Variants in SLC22A23 observed in about 807,000 individuals in gnomAD.
The protein encoded by SLC22A23 is ion transporter protein.
SLC22A23 carries 26 observed loss-of-function variants against 61.0 expected under a neutral mutation model. The observed-to-expected ratio is 0.43, with a 90% CI of 0.31 to 0.59. The LOEUF is 0.59. Ranked by LOEUF, SLC22A23 falls within the 20% of genes least tolerant of loss-of-function variation. The probability of loss-of-function intolerance (pLI) is 0.11; values close to 1 mark genes in which losing one functional copy is unlikely to be tolerated. For missense variants in SLC22A23, 796 were observed against 934.7 expected, an observed-to-expected ratio of 0.85 and a Z score of 1.94; for synonymous variants, 430 against 413.9, an observed-to-expected ratio of 1.04 and a Z score of -0.47.
intron 4 of SLC22A23, among the ~76,000 whole-genome samples, chr6:3,298,926 T>C (rs1299140632): frequency 1.4e-5 from 2 of 143,702 alleles, no homozygotes; most frequent in African/African-American, 5.4e-5. Context: ...GAGCCGAGAT[T>C]GCGCCACTGC....
At chr6:3,295,077 G>A (rs572033125) in intron 5 of SLC22A23, among the ~76,000 whole-genome samples, 15,797 of 152,238 alleles carry the variant, frequency 0.1, 1,095 homozygotes, top group East Asian at 0.34. Flanking sequence ...GCTACGCGTC[G>A]CGTCAGGCCT....
intron 2 of SLC22A23, among the ~76,000 whole-genome samples, chr6:3,411,888 A>G (rs1769278546): frequency 6.6e-6 from 1 of 152,226 alleles, no homozygotes; most frequent in Non-Finnish European, 1.5e-5. Flanking sequence ...AAGACTGTGT[A>G]GCTGATTTTG....
intron 1 of SLC22A23, among the ~76,000 whole-genome samples, chr6:3,418,626 T>C (rs1279506285): frequency 6.6e-6 from 1 of 152,226 alleles, no homozygotes; most frequent in East Asian, 1.9e-4. Flanking sequence ...GTTCCCAGCC[T>C]CTGGGCTTCC....
rs1403753227 is a variant in SLC22A23, at chr6:3,323,787, GC to G, written c.1082+46del. ...CTGCCCGGGGCCGGGCCTTCAGGAA[GC>G]ATGTGCAGTCGCACCAGCCCAGGGC... On this transcript the variant is annotated intron_variant, in intron 4 of 9. Coordinates refer to ENST00000406686, the MANE Select transcript of SLC22A23 (RefSeq NM_015482.2). 1.8e-5 allele frequency: 28 copies of G among 1,568,974 alleles called. No homozygotes were observed. The African/African-American group carries it at 3.0e-4, about 17-fold the overall frequency.
At chr6:3,323,324 T>C in intron 4 of SLC22A23, 1 of 456,596 alleles carries the variant, frequency 2.2e-6, no homozygotes, top group Non-Finnish European at 4.4e-6. Flanking sequence ...AATACCTATG[T>C]AAACACACGA....
chr6:3,452,614 A>T (rs1581911705), intron 1 of SLC22A23, among the ~76,000 whole-genome samples: 5 of 33,458 alleles, frequency 1.5e-4, no homozygotes, highest in Non-Finnish European at 2.7e-4. Context: ...AAAAAAAAAA[A>T]AAAAAAAAAA....
In SLC22A23 at chr6:3,272,986, C is replaced by T. The variant is rs1368508153; in HGVS notation, c.*69G>A. On this transcript the variant is annotated 3_prime_UTR_variant, in exon 10 of 10. Coordinates refer to ENST00000406686, the MANE Select transcript of SLC22A23 (RefSeq NM_015482.2). ...GCTTTCCCACCCCTGGCTGCGTGTT[C>T]GGTCCCTGGTCTGTAAACCTGTGCC... 1.5e-5 allele frequency: 21 copies of T among 1,379,214 alleles called. No individual in the cohort carries two copies. The highest frequency in any genetic ancestry group is 5.8e-5 in the African/African-American group (4 of 68,754). 85.4% of individuals were successfully genotyped at this position (1,379,214 alleles called of 1,614,324 possible). A position where few individuals can be genotyped will look rare whatever the true frequency, so the allele number is the denominator to read the frequency against.
chr6:3,275,065 CCAGTTTCAAAACTATA>C (rs2127284564), intron 9 of SLC22A23, among the ~76,000 whole-genome samples: 1 of 152,180 alleles, frequency 6.6e-6, no homozygotes, highest in East Asian at 1.9e-4. Flanking sequence ...GCTTGCCTTC[CCAGTTTCAAAACTATA>C]AAGCCATACG....
chr6:3,326,459 T>C (rs1763288055), intron 3 of SLC22A23, among the ~76,000 whole-genome samples: 1 of 151,998 alleles, frequency 6.6e-6, no homozygotes, highest in Admixed American at 6.6e-5. Flanking sequence ...AGACAACTCC[T>C]TGAGAAGCAC....
At chr6:3,428,343 G>C (rs994666328) in intron 1 of SLC22A23, among the ~76,000 whole-genome samples, 5 of 152,160 alleles carry the variant, frequency 3.3e-5, no homozygotes, top group Non-Finnish European at 5.9e-5. Flanking sequence ...GCTCCTGAGG[G>C]GACATCCTTC....
rs1032287191 is a variant in SLC22A23 at position 3,332,125 on chromosome 6, C to T, written c.914-8123G>A. Among the ~76,000 whole-genome samples, 13 of 152,312 alleles carry T rather than the reference C, an allele frequency of 8.5e-5. No homozygotes were observed. In the East Asian group the frequency reaches 2.1e-3, roughly 25 times the overall value. The stretch of plus-strand genomic sequence containing the variant: ...CCTCCGAGGCATGTGGCCAAACAGC[C>T]GAGCCCTAAATTACTTCAAGCTCTG... On this transcript the variant is annotated intron_variant, in intron 3 of 9. Coordinates refer to ENST00000406686, the MANE Select transcript of SLC22A23 (RefSeq NM_015482.2).
Position 3,342,020 on chromosome 6 carries a change from A to AAATCTTTCTTCTTAATGAAAGAT in SLC22A23, c.914-18041_914-18019dup, listed in dbSNP as rs1422140139. Among the ~76,000 whole-genome samples the AAATCTTTCTTCTTAATGAAAGAT allele has an allele frequency of 2.2e-4, 33 of 152,154 alleles. No homozygotes were observed. The highest frequency in any genetic ancestry group is 8.8e-5 in the Non-Finnish European group (6 of 68,018). ...CATCTGTTCAGTAGCATTAAGAAGA[A>AAATCTTTCTTCTTAATGAAAGAT]AATCTTTCTTCTTAATGAAAGATTA... On this transcript the variant is annotated intron_variant, in intron 3 of 9. Coordinates refer to ENST00000406686, the MANE Select transcript of SLC22A23 (RefSeq NM_015482.2). The surrounding 1 kb of genome is among the most constrained non-coding windows in gnomAD (Gnocchi z 4.0).
chr6:3,298,533 T>TG (rs1185391700), intron 4 of SLC22A23, among the ~76,000 whole-genome samples: 3 of 150,250 alleles, frequency 2.0e-5, no homozygotes. Flanking sequence ...CTGGGAAGGG[T>TG]GGGGGGAAAC....
intron 3 of SLC22A23, among the ~76,000 whole-genome samples, chr6:3,343,460 TACACACACACACGCAC>T (rs1764259413): frequency 1.3e-5 from 2 of 151,682 alleles, no homozygotes; most frequent in Admixed American, 6.6e-5. Context: ...CCCCTGCAAA[TACACACACACACGCAC>T]ACACACACAC....
chr6:3,324,565 G>A lies in SLC22A23; in HGVS notation c.914-563C>T, dbSNP rs1377923938. ...CAACCTACTCACACTGTGAGACAGA[G>A]GGAGACTGAGCTAAGTCTCAGCTTA... On this transcript the variant is annotated intron_variant, in intron 3 of 9. Transcript: ENST00000406686. The surrounding 1 kb of genome is among the most constrained non-coding windows in gnomAD (Gnocchi z 4.3). Among the ~76,000 whole-genome samples the A allele has an allele frequency of 1.3e-5, 2 of 152,292 alleles. No homozygotes were observed. The highest frequency in any genetic ancestry group is 3.9e-4 in the East Asian group (2 of 5,184).
chr6:3,438,772 A>G (rs555325796), intron 1 of SLC22A23, among the ~76,000 whole-genome samples: 4 of 152,186 alleles, frequency 2.6e-5, no homozygotes, highest in Non-Finnish European at 5.9e-5. Context: ...TTTCCCAAAC[A>G]TGCTTTCCTA....
chr6:3,410,373 C>A lies in SLC22A23; in HGVS notation c.759-31G>T. ...TATGGAGAGGGAAAAAGTTAGGAAT[C>A]ATTGTGAAACAAGACAATGACGCTA... On this transcript the variant is annotated intron_variant, in intron 2 of 9. Transcript: ENST00000406686. This position sits in a 1 kb window ranked among gnomAD's most constrained non-coding sequence, Gnocchi z 5.0. The A allele has an allele frequency of 6.5e-7, 1 of 1,546,456 alleles. No individual in the cohort carries two copies. Among genetic ancestry groups the A allele is most frequent in the Non-Finnish European group, 8.7e-7 (1 of 1,145,838 alleles).
intron 1 of SLC22A23, among the ~76,000 whole-genome samples, chr6:3,448,483 TTTTTTTG>T (rs70998399): frequency 0.22 from 33,235 of 151,376 alleles, 3,953 homozygotes; most frequent in African/African-American, 0.3. Flanking sequence ...GTCCACCATG[TTTTTTTG>T]TTTTTTGTTT....
At chr6:3,296,856 C>T (rs4305776) in intron 5 of SLC22A23, among the ~76,000 whole-genome samples, 126,413 of 152,138 alleles carry the variant, frequency 0.83, 52,887 homozygotes, top group African/African-American at 0.92. Context: ...ATCTTCTGAA[C>T]TGGGAGTCTA....
Sources: allele counts gnomAD v4.1 joint callset (sites outside exome capture counted in the v4.1 genomes callset), GRCh38; gene constraint gnomAD v4.1.1; non-coding constraint Gnocchi (gnomAD v3.1); transcripts MANE v1.5; gene names NCBI Gene and HGNC (gene_info 2026-07-23, HGNC 2026-07-21).